The following ANKRD44 variants were observed in gnomAD, a reference collection of about 807,000 sequenced individuals.
ANKRD44 encodes the protein ankyrin repeat domain 44.
A neutral mutation model predicts 116.0 loss-of-function variants in ANKRD44; 35 were observed. The observed-to-expected ratio is 0.30, with a 90% CI of 0.23 to 0.40. The LOEUF is 0.40. Among genes scored for constraint, ANKRD44 ranks in the 10% least tolerant of loss-of-function variants. The pLI is 1.00. For synonymous variants in ANKRD44, 435 were observed against 461.8 expected, an observed-to-expected ratio of 0.94 and a Z score of 0.74; for missense variants, 1,014 against 1,242.6, an observed-to-expected ratio of 0.82 and a Z score of 2.77.
chr2:197,015,663 T>A lies in ANKRD44; in HGVS notation c.1723-1951A>T, dbSNP rs1043032243. 7 of 553,036 alleles carry A rather than the reference T, an allele frequency of 1.3e-5. No individual in the cohort carries two copies. The Admixed American group carries it at 1.8e-4, about 15-fold the overall frequency. 34.3% of individuals were successfully genotyped at this position (553,036 alleles called of 1,614,324 possible). A position where few individuals can be genotyped will look rare whatever the true frequency, so the allele number is the denominator to read the frequency against. On this transcript the variant is annotated intron_variant, in intron 17 of 27. Transcript: ENST00000282272. ...AAGGTGGTGGCAGCAGAGGTAGTTA[T>A]GGAGGAGGTGATGGTGGGTGTAATG...
intron 1 of ANKRD44, among the ~76,000 whole-genome samples, chr2:197,235,118 C>A (rs759519024): frequency 1.3e-5 from 2 of 152,048 alleles, no homozygotes; most frequent in East Asian, 3.8e-4. Context: ...AGTGGTAAGA[C>A]CAAAGGAAGA....
rs190364687 is a variant in ANKRD44 at position 197,096,719 on chromosome 2, T to C, written c.1100+3097A>G. 3.5e-4 allele frequency among the ~76,000 whole-genome samples: 53 copies of C among 152,370 alleles called. 1 individual carries two copies. Among genetic ancestry groups the C allele is most frequent in the African/African-American group, 1.3e-3 (53 of 41,596 alleles). On this transcript the variant is annotated intron_variant, in intron 10 of 27. Coordinates refer to ENST00000282272, the MANE Select transcript of ANKRD44 (RefSeq NM_001195144.2). Reference sequence around the variant, plus strand: ...TGCTATTTGTTTTTTCACTTATCTATGAAAGGCCTATTTTTCTCCTCTTTA... The same window carrying C: ...TGCTATTTGTTTTTTCACTTATCTACGAAAGGCCTATTTTTCTCCTCTTTA...
intron 4 of ANKRD44, among the ~76,000 whole-genome samples, chr2:197,129,102 G>C (rs2079041847): frequency 6.6e-6 from 1 of 151,626 alleles, no homozygotes; most frequent in Admixed American, 6.6e-5. Flanking sequence ...GGCATGCTGT[G>C]AATCATGCTC....
chr2:197,102,710 G>C (rs1254039743), intron 9 of ANKRD44, among the ~76,000 whole-genome samples: 1 of 151,850 alleles, frequency 6.6e-6, no homozygotes, highest in Non-Finnish European at 1.5e-5. Flanking sequence ...ATGTATATAT[G>C]CTAGTATAAG....
In ANKRD44 at chr2:196,987,096, A is replaced by C. The variant is rs752628535; in HGVS notation, c.*2495T>G. The C allele has an allele frequency of 1.2e-4, 115 of 984,792 alleles. No individual in the cohort carries two copies. The highest frequency in any genetic ancestry group is 1.3e-4 in the Non-Finnish European group (111 of 829,440). 61.0% of individuals were successfully genotyped at this position (984,792 alleles called of 1,614,324 possible). ...TTTGCATTGAATTTTTAGATCACATAAGAAACGCATAGAATTACATTTTAT... is the reference window on the plus strand; with the variant it reads ...TTTGCATTGAATTTTTAGATCACATCAGAAACGCATAGAATTACATTTTAT... On this transcript the variant is annotated 3_prime_UTR_variant, in exon 28 of 28. Coordinates refer to ENST00000282272, the MANE Select transcript of ANKRD44 (RefSeq NM_001195144.2).
chr2:197,114,772 G>C (rs1354486220), intron 8 of ANKRD44, among the ~76,000 whole-genome samples: 1 of 152,132 alleles, frequency 6.6e-6, no homozygotes, highest in Non-Finnish European at 1.5e-5. Context: ...CTGCGGTTAG[G>C]GGTGGGGTCA....
intron 1 of ANKRD44, among the ~76,000 whole-genome samples, chr2:197,277,185 C>G (rs1012656935): frequency 6.6e-6 from 1 of 151,820 alleles, no homozygotes; most frequent in Non-Finnish European, 1.5e-5. Context: ...CCTCGGCCTC[C>G]CAAAGGAATC....
Position 197,201,931 on chromosome 2 carries a change from G to A in ANKRD44, c.28-14825C>T, listed in dbSNP as rs1438990698. 6.6e-6 allele frequency among the ~76,000 whole-genome samples: 1 copy of A among 152,194 alleles called. No homozygotes were observed. Among genetic ancestry groups the A allele is most frequent in the East Asian group, 1.9e-4 (1 of 5,204 alleles). Reference sequence around the variant, plus strand: ...ACTTGTAAGAACATTCATAGCCACTGTTACCTCATCACCATGTAACATTCC... The same window carrying A: ...ACTTGTAAGAACATTCATAGCCACTATTACCTCATCACCATGTAACATTCC... On this transcript the variant is annotated intron_variant, in intron 1 of 27. Coordinates refer to ENST00000282272, the MANE Select transcript of ANKRD44 (RefSeq NM_001195144.2). The surrounding 1 kb of genome is among the most constrained non-coding windows in gnomAD (Gnocchi z 4.0).
intron 1 of ANKRD44, among the ~76,000 whole-genome samples, chr2:197,218,751 C>CTTTTTTTTTTTTTTTTTTTTTTTTTTT (rs138330364): frequency 7.6e-5 from 4 of 52,344 alleles, no homozygotes; most frequent in African/African-American, 1.4e-4. Context: ...GGTAAAGTCC[C>CTTTTTTTTTTTTTTTTTTTTTTTTTTT]TTTTTTTTTT....
At chr2:196,997,979 CA>C (rs1240830249) in intron 25 of ANKRD44, among the ~76,000 whole-genome samples, 1 of 152,142 alleles carries the variant, frequency 6.6e-6, no homozygotes, top group Non-Finnish European at 1.5e-5. Context: ...TTATACTTTA[CA>C]AGCCACATAA....
chr2:197,218,162 A>G (rs533845824), intron 1 of ANKRD44, among the ~76,000 whole-genome samples: 5 of 152,356 alleles, frequency 3.3e-5, no homozygotes, highest in African/African-American at 1.2e-4. Context: ...AAAATGTCAG[A>G]GAGATGGGAA....
rs544362365 is a variant in ANKRD44 at position 197,248,578 on chromosome 2, G to GTGTATA, written c.28-61473_28-61472insTATACA. Among the ~76,000 whole-genome samples, 225 of 144,248 alleles carry GTGTATA rather than the reference G, an allele frequency of 1.6e-3. 1 individual carries two copies. The highest frequency in any genetic ancestry group is 0.015 in the East Asian group (76 of 5,088). 94.6% of individuals were successfully genotyped at this position (144,248 alleles called of 152,430 possible). A position where few individuals can be genotyped will look rare whatever the true frequency, so the allele number is the denominator to read the frequency against. ...TATGTGTGTGTGTGTGTGTGTGTGT[G>GTGTATA]TATATATATATATAAAGAGAGAGAT... is the stretch of plus-strand genomic sequence containing the variant. On this transcript the variant is annotated intron_variant, in intron 1 of 27. Coordinates refer to ENST00000282272, the MANE Select transcript of ANKRD44 (RefSeq NM_001195144.2).
chr2:197,186,157 A>G (rs1038537775), intron 2 of ANKRD44, among the ~76,000 whole-genome samples: 1 of 152,220 alleles, frequency 6.6e-6, no homozygotes, highest in African/African-American at 2.4e-5. Context: ...GCAGAAAAAA[A>G]TGTATGATGT....
At position 197,310,699 on chromosome 2, in the gene ANKRD44, GA is replaced by G; in HGVS notation, c.-96del. On this transcript the variant is annotated 5_prime_UTR_variant, in exon 1 of 28. Coordinates refer to ENST00000282272, the MANE Select transcript of ANKRD44 (RefSeq NM_001195144.2). Reference sequence around the variant, plus strand: ...AGCGGAAGGGATTGCCAGGAGAAGGGAAAAAATCTGGCTCCCGAATTTGACA... The same window carrying G: ...AGCGGAAGGGATTGCCAGGAGAAGGGAAAAATCTGGCTCCCGAATTTGACA... 2 of 1,223,228 alleles carry G rather than the reference GA, an allele frequency of 1.6e-6. No individual in the cohort carries two copies. The highest frequency in any genetic ancestry group is 1.0e-6 in the Non-Finnish European group (1 of 952,688). 75.8% of individuals were successfully genotyped at this position (1,223,228 alleles called of 1,614,324 possible).
chr2:197,229,510 TG>T (rs1264535722), intron 1 of ANKRD44, among the ~76,000 whole-genome samples: 2 of 152,176 alleles, frequency 1.3e-5, no homozygotes, highest in Admixed American at 1.3e-4. Flanking sequence ...GAAGACTTAA[TG>T]AATTAAATAA....
chr2:197,097,980 T>C (rs953934793), intron 10 of ANKRD44, among the ~76,000 whole-genome samples: 7 of 152,202 alleles, frequency 4.6e-5, no homozygotes, highest in African/African-American at 1.7e-4. Context: ...CAGGTTCACA[T>C]GTTTATGTCT....
intron 21 of ANKRD44, among the ~76,000 whole-genome samples, chr2:196,969,262 A>G (rs956142728): frequency 6.6e-5 from 10 of 152,202 alleles, no homozygotes; most frequent in Non-Finnish European, 1.2e-4. Flanking sequence ...AATTTGTCAT[A>G]TTTAGAGACT....
intron 27 of ANKRD44, chr2:196,991,027 G>C (rs2075905921): frequency 9.6e-7 from 1 of 1,043,480 alleles, no homozygotes; most frequent in East Asian, 3.3e-5. Flanking sequence ...AGGCGGAGAT[G>C]TATGTTGAGT....
intron 4 of ANKRD44, among the ~76,000 whole-genome samples, chr2:197,131,703 T>C (rs1456119036): frequency 1.3e-5 from 2 of 152,180 alleles, no homozygotes; most frequent in African/African-American, 4.8e-5. Context: ...GCCAGCCACG[T>C]CTGCACATAG....
Sources: gnomAD v4.1 joint callset for allele counts (sites outside exome capture counted in the v4.1 genomes callset) on GRCh38, gnomAD v4.1.1 for gene constraint, Gnocchi (gnomAD v3.1) non-coding constraint, MANE v1.5 for transcripts, NCBI Gene and HGNC (gene_info 2026-07-23, HGNC 2026-07-21) for gene names.